Variants in DCC observed in about 807,000 individuals in gnomAD.
The protein encoded by DCC is netrin receptor DCC.
Under a neutral mutation model 172.5 loss-of-function variants are expected in DCC, and 58 were observed. The observed-to-expected ratio is 0.34, with a 90% CI of 0.27 to 0.42. The LOEUF is 0.42. Ranked by LOEUF, DCC falls within the 10% of genes least tolerant of loss-of-function variation. DCC has a pLI of 1.00. For synonymous variants in DCC, 709 were observed against 644.5 expected, an observed-to-expected ratio of 1.10 and a Z score of -1.52; for missense variants, 1,740 against 1,791.0, an observed-to-expected ratio of 0.97 and a Z score of 0.51.
intron 2 of DCC, among the ~76,000 whole-genome samples, chr18:52,864,085 T>A (rs1372613662): frequency 2.6e-5 from 4 of 152,158 alleles, no homozygotes; most frequent in South Asian, 2.1e-4. Flanking sequence ...AATACAGACA[T>A]AAAGATCTTA....
chr18:52,963,084 TA>T (rs1441121838), intron 5 of DCC, among the ~76,000 whole-genome samples: 2 of 151,486 alleles, frequency 1.3e-5, no homozygotes, highest in African/African-American at 2.4e-5. Context: ...ACTTGTACCC[TA>T]AAACTTAAAT....
chr18:52,702,194 C>T (rs767451786), intron 1 of DCC, among the ~76,000 whole-genome samples: 3 of 152,092 alleles, frequency 2.0e-5, no homozygotes, highest in Non-Finnish European at 4.4e-5. Flanking sequence ...TTTCTTTGGC[C>T]TCCCTGCTTC....
At chr18:53,298,010 A>C (rs1393838367) in intron 12 of DCC, among the ~76,000 whole-genome samples, 2 of 152,196 alleles carry the variant, frequency 1.3e-5, no homozygotes, top group Non-Finnish European at 2.9e-5. Context: ...ATAACTGATT[A>C]TATTAATTAA....
intron 2 of DCC, among the ~76,000 whole-genome samples, chr18:52,790,478 C>T (rs1026357802): frequency 4.6e-5 from 7 of 152,152 alleles, no homozygotes; most frequent in South Asian, 2.1e-4. Flanking sequence ...TACCCTTTTG[C>T]TGGCATGTCA....
At chr18:52,374,196 T>G (rs576440268) in intron 1 of DCC, among the ~76,000 whole-genome samples, 1 of 152,098 alleles carries the variant, frequency 6.6e-6, no homozygotes, top group Non-Finnish European at 1.5e-5. Context: ...TGGGCCTATA[T>G]TTTTTAATCT....
At chr18:53,320,293 C>A (rs1179470844) in intron 13 of DCC, among the ~76,000 whole-genome samples, 17 of 151,960 alleles carry the variant, frequency 1.1e-4, no homozygotes, top group Non-Finnish European at 2.9e-5. Flanking sequence ...AGGATGGTCT[C>A]GATCTCCTGA....
At chr18:52,599,659 C>T (rs1321196610) in intron 1 of DCC, among the ~76,000 whole-genome samples, 1 of 152,060 alleles carries the variant, frequency 6.6e-6, no homozygotes, top group African/African-American at 2.4e-5. Context: ...GGATTACAGG[C>T]GCTGCTACCA....
intron 13 of DCC, among the ~76,000 whole-genome samples, chr18:53,313,002 A>AAGGG (rs2057296671): frequency 8.1e-6 from 1 of 123,456 alleles, no homozygotes; most frequent in Non-Finnish European, 1.7e-5. Flanking sequence ...AGGAGGGAGG[A>AAGGG]AGGAAGGGAG....
chr18:52,377,087 A>G (rs1246238526), intron 1 of DCC, among the ~76,000 whole-genome samples: 1 of 152,198 alleles, frequency 6.6e-6, no homozygotes, highest in African/African-American at 2.4e-5. Flanking sequence ...TCCTATTGCA[A>G]TGCTCTTTGA....
intron 1 of DCC, among the ~76,000 whole-genome samples, chr18:52,653,654 G>A (rs17749018): frequency 6.6e-6 from 1 of 152,110 alleles, no homozygotes; most frequent in Admixed American, 6.6e-5. Context: ...GAGTTTTCTA[G>A]GTAGGAAAGA....
intron 2 of DCC, 143 bp from the exon 3 acceptor site, chr18:52,905,901 G>C (rs142207049): frequency 1.6e-5 from 11 of 702,550 alleles, no homozygotes; most frequent in Middle Eastern, 3.8e-4. Flanking sequence ...ATGTGGTAAA[G>C]TGTGAAGAGC....
chr18:53,176,994 CG>C (rs2055107591), intron 8 of DCC, among the ~76,000 whole-genome samples: 1 of 151,878 alleles, frequency 6.6e-6, no homozygotes, highest in Non-Finnish European at 1.5e-5. Context: ...GAATACTATG[CG>C]GCCATAAAAA....
chr18:52,694,352 A>C (rs2035977767), intron 1 of DCC, among the ~76,000 whole-genome samples: 1 of 152,106 alleles, frequency 6.6e-6, no homozygotes, highest in African/African-American at 2.4e-5. Context: ...ACAATAGGAC[A>C]TTAGTGTAAA....
chr18:53,386,223 C>T, intron 16 of DCC, 85 bp downstream of exon 16: 1 of 869,602 alleles, frequency 1.1e-6, no homozygotes, highest in Non-Finnish European at 1.9e-6. Flanking sequence ...TACAAAGAAA[C>T]AAAAATGAAT....
chr18:52,639,755 A>G (rs1251678054), intron 1 of DCC, among the ~76,000 whole-genome samples: 1 of 152,140 alleles, frequency 6.6e-6, no homozygotes, highest in Non-Finnish European at 1.5e-5. Flanking sequence ...TCAGGACCAG[A>G]TGGATTCACA....
At chr18:52,610,318 T>C (rs2144837848) in intron 1 of DCC, among the ~76,000 whole-genome samples, 1 of 115,718 alleles carries the variant, frequency 8.6e-6, no homozygotes, top group South Asian at 2.9e-4. Flanking sequence ...AGGCAGAGTT[T>C]GCAGTGAGCC....
chr18:53,019,786 T>C (rs1369788368), intron 5 of DCC, among the ~76,000 whole-genome samples: 1 of 152,174 alleles, frequency 6.6e-6, no homozygotes, highest in African/African-American at 2.4e-5. Flanking sequence ...TTACTTATTA[T>C]GTATGGTTGC....
chr18:53,157,821 G>A (rs1272972458), intron 8 of DCC, among the ~76,000 whole-genome samples: 1 of 152,210 alleles, frequency 6.6e-6, no homozygotes, highest in Admixed American at 6.5e-5. Flanking sequence ...GTAGAACAGT[G>A]TATAAAAGCA....
chr18:52,881,255 G>C (rs982052062), intron 2 of DCC, among the ~76,000 whole-genome samples: 5 of 151,944 alleles, frequency 3.3e-5, no homozygotes, highest in African/African-American at 9.7e-5. Flanking sequence ...CTGGTTACTA[G>C]TCCCTTGTCA....
Sources: allele counts gnomAD v4.1 joint callset (sites outside exome capture counted in the v4.1 genomes callset), GRCh38; gene constraint gnomAD v4.1.1; transcripts MANE v1.5; gene names NCBI Gene and HGNC (gene_info 2026-07-23, HGNC 2026-07-21).